PDE9A: variants seen among roughly 807,000 people sequenced by gnomAD.
PDE9A encodes phosphodiesterase 9A.
In PDE9A, 60 loss-of-function variants were observed where a neutral mutation model predicts 87.4. That is an observed-to-expected ratio of 0.69 (90% confidence interval 0.56 to 0.85). PDE9A has a LOEUF of 0.85. Ranked by LOEUF, PDE9A falls within the 40% of genes least tolerant of loss-of-function variation. The pLI is 0.00. For synonymous variants in PDE9A, 272 were observed against 279.4 expected, an observed-to-expected ratio of 0.97 and a Z score of 0.27; for missense variants, 665 against 779.0, an observed-to-expected ratio of 0.85 and a Z score of 1.74.
Position 42,760,806 on chromosome 21 carries a change from G to A in PDE9A, c.1003-19G>A, listed in dbSNP as rs1547379. ...CCGAGTGAAGAGAGCAAACACCTAC[G>A]CCCTGTTTTCCAATCCAGGAGAAGT... On this transcript the variant is annotated intron_variant, in intron 12 of 19. Transcript: ENST00000291539. The surrounding 1 kb of genome is among the most constrained non-coding windows in gnomAD (Gnocchi z 5.2). 536,354 of 1,450,430 alleles carry A rather than the reference G, an allele frequency of 0.37. 103,978 individuals are homozygous for A. Among genetic ancestry groups the A allele is most frequent in the South Asian group, 0.65 (56,732 of 86,880 alleles). The allele number at this position is 1,450,430 out of a possible 1,614,324, so 89.8% of individuals were successfully genotyped here.
At chr21:42,744,074 C>G (rs567037964) in intron 8 of PDE9A, among the ~76,000 whole-genome samples, 30 of 152,274 alleles carry the variant, frequency 2.0e-4, no homozygotes, top group African/African-American at 6.7e-4. Flanking sequence ...ACGCATGGGC[C>G]GGGTGTGGTG....
At chr21:42,736,234 G>T (rs1369219491) in intron 7 of PDE9A, among the ~76,000 whole-genome samples, 1 of 152,166 alleles carries the variant, frequency 6.6e-6, no homozygotes, top group Admixed American at 6.5e-5. Flanking sequence ...CTCTTACAGA[G>T]AATTATGTCG....
intron 4 of PDE9A, among the ~76,000 whole-genome samples, chr21:42,717,338 G>A (rs1339670696): frequency 2.8e-5 from 3 of 105,396 alleles, no homozygotes; most frequent in African/African-American, 7.7e-5. Context: ...TTGCTCTGTC[G>A]CCCAGGTTGG....
In PDE9A at chr21:42,723,772, C is replaced by G. The variant is rs1402791479; in HGVS notation, c.263-7998C>G. Among the ~76,000 whole-genome samples the G allele has an allele frequency of 1.3e-5, 2 of 152,154 alleles. No individual in the cohort carries two copies. The highest frequency in any genetic ancestry group is 4.8e-5 in the African/African-American group (2 of 41,438). On this transcript the variant is annotated intron_variant, in intron 4 of 19. Transcript: ENST00000291539. The surrounding 1 kb of genome is among the most constrained non-coding windows in gnomAD (Gnocchi z 4.3). Reference sequence around the variant, plus strand: ...CCTCGGGGGCTTATTTGCAATCTCCCGATTTGCTCAAAAACTTCCAGGTCC... The same window carrying G: ...CCTCGGGGGCTTATTTGCAATCTCCGGATTTGCTCAAAAACTTCCAGGTCC...
chr21:42,765,965 G>A (rs910715147), intron 15 of PDE9A, among the ~76,000 whole-genome samples: 3 of 152,154 alleles, frequency 2.0e-5, no homozygotes, highest in Non-Finnish European at 4.4e-5. Flanking sequence ...GGGGTAGGGG[G>A]CCTCCCCCAT....
chr21:42,774,449 G>A (rs571025218), intron 19 of PDE9A, among the ~76,000 whole-genome samples: 26 of 152,196 alleles, frequency 1.7e-4, no homozygotes, highest in Non-Finnish European at 3.1e-4. Flanking sequence ...GTCTGGTCCC[G>A]ATGAAGTGCT....
chr21:42,658,296 G>A (rs2057241563), intron 1 of PDE9A, among the ~76,000 whole-genome samples: 1 of 152,232 alleles, frequency 6.6e-6, no homozygotes, highest in South Asian at 2.1e-4. Context: ...GTGGTCTGTG[G>A]TCCTGGCCCA....
chr21:42,754,314 G>A (rs1042650716), intron 10 of PDE9A, among the ~76,000 whole-genome samples: 2 of 152,194 alleles, frequency 1.3e-5, no homozygotes, highest in African/African-American at 2.4e-5. Flanking sequence ...GGGGCAGGGA[G>A]GCTCCACCCA....
intron 4 of PDE9A, among the ~76,000 whole-genome samples, chr21:42,726,744 C>T (rs1410556953): frequency 6.8e-6 from 1 of 148,066 alleles, no homozygotes; most frequent in Non-Finnish European, 1.5e-5. Context: ...TACAGGCATG[C>T]GCCACTGTGT....
rs2053566457 is a variant in PDE9A at position 42,743,849 on chromosome 21, C to G, written c.642C>G (p.Ala214=). The change falls in exon 8 of 20, where the codon GCC becomes GCG. Residue 214 remains alanine (A), a synonymous_variant. Transcript: ENST00000291539. ...AGAAGATGAGGGAGGAGCTGGCGGC[C>G]AGAAGCAGCAGGTAGGGTCTGCGCT... The part of the protein sequence containing the change: ...DIKKMREELA[A]RSSRTNCPCK... 2.5e-6 allele frequency: 4 copies of G among 1,574,722 alleles called. No homozygotes were observed. The South Asian group carries it at 3.5e-5, about 14-fold the overall frequency.
In PDE9A at chr21:42,739,744, G is replaced by A. The variant is rs1165340271; in HGVS notation, c.569-4032G>A. ...TGGACTCTGCACTGTCAATACAAAC[G>A]CTATGCACCCATCAAAAACCATGAG... On this transcript the variant is annotated intron_variant, in intron 7 of 19. Coordinates refer to ENST00000291539, the MANE Select transcript of PDE9A (RefSeq NM_002606.3). This position sits in a 1 kb window ranked among gnomAD's most constrained non-coding sequence, Gnocchi z 4.1. 6.6e-6 allele frequency among the ~76,000 whole-genome samples: 1 copy of A among 151,914 alleles called. No homozygotes were observed. The highest frequency in any genetic ancestry group is 2.4e-5 in the African/African-American group (1 of 41,312).
chr21:42,715,582 A>G (rs976960741), intron 4 of PDE9A, among the ~76,000 whole-genome samples: 1 of 151,606 alleles, frequency 6.6e-6, no homozygotes, highest in Non-Finnish European at 1.5e-5. Context: ...GCATCACTGC[A>G]CTCCAGCCTG....
chr21:42,751,848 G>A (rs1353357694), intron 9 of PDE9A, among the ~76,000 whole-genome samples: 2 of 148,790 alleles, frequency 1.3e-5, no homozygotes, highest in East Asian at 2.0e-4. Flanking sequence ...CTGGGTTCAA[G>A]CAATTCTCCT....
chr21:42,744,670 A>G (rs1449361901), intron 8 of PDE9A, among the ~76,000 whole-genome samples: 1 of 152,032 alleles, frequency 6.6e-6, no homozygotes, highest in Admixed American at 6.6e-5. Flanking sequence ...GTGAGCTGTG[A>G]CTCGTGGGGA....
At chr21:42,743,245 C>T (rs1427229207) in intron 7 of PDE9A, among the ~76,000 whole-genome samples, 1 of 152,216 alleles carries the variant, frequency 6.6e-6, no homozygotes. Flanking sequence ...ATTTATTTCT[C>T]TTCTGTTTTA....
chr21:42,680,578 C>G (rs957246174), intron 1 of PDE9A, among the ~76,000 whole-genome samples: 1 of 152,252 alleles, frequency 6.6e-6, no homozygotes, highest in African/African-American at 2.4e-5. Flanking sequence ...GCCCCGGGTC[C>G]CCTGTGCCCT....
rs759715806 is a variant in PDE9A, at chr21:42,762,221, G to A, written c.1224G>A (p.Gly408=). ...CNIFSNIPPD[G]FKQIRQGMIT... ...TCTTCTCCAACATCCCACCTGATGGGTTCAAGCAGATCCGACAGGTGTGTG... is the reference window on the plus strand; with the variant it reads ...TCTTCTCCAACATCCCACCTGATGGATTCAAGCAGATCCGACAGGTGTGTG... Residue 408 remains glycine, a synonymous_variant, in exon 14 of 20, where the codon GGG becomes GGA. Transcript: ENST00000291539. 1.7e-5 allele frequency: 27 copies of A among 1,613,986 alleles called. No individual in the cohort carries two copies. The highest frequency in any genetic ancestry group is 5.0e-5 in the Admixed American group (3 of 59,988).
chr21:42,653,684 C>A lies in PDE9A; in HGVS notation c.-131C>A. On this transcript the variant is annotated 5_prime_UTR_variant, in exon 1 of 20. Transcript: ENST00000291539. Reference sequence around the variant, plus strand: ...GGGCGTCCCGGGCCCGGTGGCGGCGCGGCTGTGGTTGGCTGAGCGCCGCGG... The same window carrying A: ...GGGCGTCCCGGGCCCGGTGGCGGCGAGGCTGTGGTTGGCTGAGCGCCGCGG... The A allele has an allele frequency of 4.6e-6, 1 of 217,236 alleles. No individual in the cohort carries two copies. The highest frequency in any genetic ancestry group is 8.6e-6 in the Non-Finnish European group (1 of 115,730). 13.5% of individuals were successfully genotyped at this position (217,236 alleles called of 1,614,324 possible).
At chr21:42,670,457 CAG>C (rs1185570228) in intron 1 of PDE9A, among the ~76,000 whole-genome samples, 3 of 152,018 alleles carry the variant, frequency 2.0e-5, no homozygotes, top group East Asian at 1.9e-4. Context: ...CACAGTCACA[CAG>C]ACTTGCACAT....
Sources: allele counts gnomAD v4.1 joint callset (sites outside exome capture counted in the v4.1 genomes callset), GRCh38; gene constraint gnomAD v4.1.1; non-coding constraint Gnocchi (gnomAD v3.1); transcripts MANE v1.5; gene names NCBI Gene and HGNC (gene_info 2026-07-23, HGNC 2026-07-21).